Variants in OR6N1 observed in about 807,000 individuals in gnomAD.
The protein encoded by OR6N1 is olfactory receptor 6N1.
For missense variants in OR6N1, 394 were observed against 371.7 expected (o/e 1.06, Z -0.49); for synonymous variants, 170 against 150.7 (o/e 1.13, Z -0.94).
the OR6N1 span, among the ~76,000 whole-genome samples, chr1:158,788,684 C>A: frequency 6.6e-6 from 1 of 152,100 alleles, no homozygotes; most frequent in Non-Finnish European, 1.5e-5. Context: ...TTATTATCTT[C>A]TTGCTGTTTA....
chr1:158,791,259 A>G, the OR6N1 span, among the ~76,000 whole-genome samples: 2 of 152,142 alleles, frequency 1.3e-5, no homozygotes, highest in Non-Finnish European at 2.9e-5. Context: ...CGCTTTTAGC[A>G]CTGTGTTTGC....
the OR6N1 span, among the ~76,000 whole-genome samples, chr1:158,787,620 A>ATCTCTCTCTC: frequency 3.0e-3 from 365 of 122,580 alleles, 3 homozygotes; most frequent in Middle Eastern, 8.6e-3. Flanking sequence ...CTATCTCTCT[A>ATCTCTCTCTC]TCTCTCTCTC....
chr1:158,824,152 C>T, the OR6N1 span, among the ~76,000 whole-genome samples: 1 of 151,944 alleles, frequency 6.6e-6, no homozygotes, highest in African/African-American at 2.4e-5. Flanking sequence ...GGAACTGGTA[C>T]AAGGTAATTG....
Position 158,765,906 on chromosome 1 carries a change from A to G in OR6N1, c.777T>C (p.Tyr259=). 2 of 1,614,200 alleles carry G rather than the reference A, an allele frequency of 1.2e-6. No homozygotes were observed. Among genetic ancestry groups the G allele is most frequent in the Non-Finnish European group, 1.7e-6 (2 of 1,180,020 alleles). ...LIFYGSILSM[Y]VQLKKSYSLD... ...GTGAGTAGCTCTTCTTCAGCTGCACATACATGGAAAGGATGCTCCCATAGA... is the reference window on the plus strand; with the variant it reads ...GTGAGTAGCTCTTCTTCAGCTGCACGTACATGGAAAGGATGCTCCCATAGA... Residue 259 remains tyrosine (Y), a synonymous_variant, in exon 2 of 2, where the codon TAT becomes TAC. Coordinates refer to ENST00000641846, the MANE Select transcript of OR6N1 (RefSeq NM_001005185.2).
chr1:158,810,324 A>G, the OR6N1 span, among the ~76,000 whole-genome samples: 6 of 151,956 alleles, frequency 3.9e-5, no homozygotes, highest in African/African-American at 1.5e-4. Flanking sequence ...GATGGTTTTG[A>G]TGACATTAGA....
chr1:158,787,078 T>C, the OR6N1 span, among the ~76,000 whole-genome samples: 1 of 152,116 alleles, frequency 6.6e-6, no homozygotes, highest in Non-Finnish European at 1.5e-5. Context: ...GGAGAGGTGT[T>C]TGAGTCATGT....
the OR6N1 span, among the ~76,000 whole-genome samples, chr1:158,834,357 C>T: frequency 6.6e-6 from 1 of 151,790 alleles, no homozygotes; most frequent in East Asian, 1.9e-4. Flanking sequence ...CTCAGCCTCC[C>T]ATGTAGCTGG....
the OR6N1 span, among the ~76,000 whole-genome samples, chr1:158,812,106 T>G: frequency 1.3e-5 from 2 of 152,188 alleles, no homozygotes; most frequent in African/African-American, 4.8e-5. Context: ...CACCCCCAAT[T>G]TGCAGCTTTA....
chr1:158,766,717 G>C lies in OR6N1; in HGVS notation c.-18-17C>G. 1 of 1,502,122 alleles carries C rather than the reference G, an allele frequency of 6.7e-7. No homozygotes were observed. The highest frequency in any genetic ancestry group is 9.0e-7 in the Non-Finnish European group (1 of 1,106,710). The allele number at this position is 1,502,122 out of a possible 1,614,324, so 93.0% of individuals were successfully genotyped here. ...TTCATGTCCCTAGATGTGAAGTGTGGAAGGATAGGAAAGAAAGTTGAACTA... is the reference window on the plus strand; with the variant it reads ...TTCATGTCCCTAGATGTGAAGTGTGCAAGGATAGGAAAGAAAGTTGAACTA... On this transcript the variant is annotated splice_polypyrimidine_tract_variant and intron_variant, in intron 1 of 1. Transcript: ENST00000641846.
the OR6N1 span, among the ~76,000 whole-genome samples, chr1:158,831,083 C>G: frequency 1.3e-4 from 20 of 152,136 alleles, no homozygotes; most frequent in Non-Finnish European, 2.5e-4. Flanking sequence ...CTTATTCAAG[C>G]GGCTACCGGT....
the OR6N1 span, among the ~76,000 whole-genome samples, chr1:158,822,694 C>T: frequency 3.9e-5 from 6 of 152,164 alleles, no homozygotes; most frequent in Non-Finnish European, 8.8e-5. Context: ...TTTGGATGCC[C>T]TTTATTAGTT....
At chr1:158,769,532 A>C (rs975216989) in intron 1 of OR6N1, among the ~76,000 whole-genome samples, 1 of 152,254 alleles carries the variant, frequency 6.6e-6, no homozygotes, top group African/African-American at 2.4e-5. Context: ...TGAAATAAAA[A>C]GTATTTGAAG....
At chr1:158,837,010 G>T in the OR6N1 span, among the ~76,000 whole-genome samples, 1 of 151,558 alleles carries the variant, frequency 6.6e-6, no homozygotes, top group African/African-American at 2.4e-5. Context: ...GAATTTTCTA[G>T]TTTTCTTTCT....
chr1:158,789,555 G>A, the OR6N1 span, among the ~76,000 whole-genome samples: 1 of 152,068 alleles, frequency 6.6e-6, no homozygotes, highest in Non-Finnish European at 1.5e-5. Context: ...ATATTTCATT[G>A]TGGTTTTGGT....
chr1:158,839,843 G>A, the OR6N1 span, among the ~76,000 whole-genome samples: 17 of 152,210 alleles, frequency 1.1e-4, no homozygotes, highest in Non-Finnish European at 1.9e-4. Flanking sequence ...TCTTTATTTG[G>A]TGTTTCCATG....
intron 1 of OR6N1, 45 bp from the exon 2 acceptor site, chr1:158,766,745 G>A (rs1657286197): frequency 1.5e-6 from 2 of 1,293,438 alleles, no homozygotes; most frequent in African/African-American, 1.5e-5. Context: ...TTGAACTATA[G>A]GGTTCTAACA....
the OR6N1 span, chr1:158,831,307 T>G: frequency 6.6e-6 from 1 of 152,198 alleles, no homozygotes; most frequent in African/African-American, 2.4e-5. Flanking sequence ...GGCTTCAAAA[T>G]TGTTTCATGA....
intron 1 of OR6N1, among the ~76,000 whole-genome samples, chr1:158,771,199 C>G (rs1657416813): frequency 6.6e-6 from 1 of 152,134 alleles, no homozygotes; most frequent in African/African-American, 2.4e-5. Context: ...TTTCACACTT[C>G]TAAATTCTCA....
chr1:158,792,528 C>G, the OR6N1 span, among the ~76,000 whole-genome samples: 2 of 151,922 alleles, frequency 1.3e-5, no homozygotes. Flanking sequence ...CTTTTTTTCC[C>G]AAGATTTAGA....
Sources: gnomAD v4.1 joint callset for allele counts (sites outside exome capture counted in the v4.1 genomes callset) on GRCh38, gnomAD v4.1.1 for gene constraint, MANE v1.5 for transcripts, NCBI Gene and HGNC (gene_info 2026-07-23, HGNC 2026-07-21) for gene names.